KCNQ3: variants seen among roughly 807,000 people sequenced by gnomAD.
KCNQ3 encodes potassium voltage-gated channel subfamily KQT member 3.
In KCNQ3, 30 loss-of-function variants were observed where a neutral mutation model predicts 92.5. That is an observed-to-expected ratio of 0.32 (90% confidence interval 0.24 to 0.44). KCNQ3 has a LOEUF of 0.44. Among genes scored for constraint, KCNQ3 ranks in the 20% least tolerant of loss-of-function variants. The pLI is 1.00. For synonymous variants in KCNQ3, 450 were observed against 468.8 expected (o/e 0.96, Z 0.52); for missense variants, 913 against 1,140.3 (o/e 0.80, Z 2.87).
At chr8:132,319,601 G>A (rs1817842599) in intron 1 of KCNQ3, among the ~76,000 whole-genome samples, 1 of 152,182 alleles carries the variant, frequency 6.6e-6, no homozygotes, top group Non-Finnish European at 1.5e-5. Flanking sequence ...ACCCTCGTCC[G>A]ATGGCCCCGG....
At chr8:132,295,644 C>T (rs1816996236) in intron 1 of KCNQ3, among the ~76,000 whole-genome samples, 1 of 152,160 alleles carries the variant, frequency 6.6e-6, no homozygotes, top group Non-Finnish European at 1.5e-5. Context: ...AAATGCCCAG[C>T]AATGACAGAT....
At chr8:132,286,441 T>A (rs1816681943) in intron 1 of KCNQ3, among the ~76,000 whole-genome samples, 1 of 152,242 alleles carries the variant, frequency 6.6e-6, no homozygotes, top group Non-Finnish European at 1.5e-5. Flanking sequence ...CATTTCTTCC[T>A]CCCTATCTGT....
chr8:132,141,056 A>AGAGGTGAGGAAGGAAGTGGACTTGGGG, intron 10 of KCNQ3, 73 bp downstream of exon 10: 1 of 1,365,504 alleles, frequency 7.3e-7, no homozygotes. Context: ...GGGCAAAGGG[A>AGAGGTGAGGAAGGAAGTGGACTTGGGG]GAGGTGAGGA....
intron 6 of KCNQ3, among the ~76,000 whole-genome samples, chr8:132,173,868 C>T (rs188642228): frequency 6.6e-6 from 1 of 152,192 alleles, no homozygotes; most frequent in African/African-American, 2.4e-5. Flanking sequence ...ACTGGGAATG[C>T]ATGAATGAAA....
At chr8:132,159,774 C>A (rs187898453) in intron 9 of KCNQ3, among the ~76,000 whole-genome samples, 1 of 152,300 alleles carries the variant, frequency 6.6e-6, no homozygotes, top group Admixed American at 6.5e-5. Flanking sequence ...GTACACCTCC[C>A]TCAGTTTAAG....
rs1418632037 is a variant in KCNQ3, at chr8:132,184,258, T to C, written c.587A>G (p.Lys196Arg). Residue 196 changes from lysine to arginine, a missense_variant, in exon 3 of 15, where the codon AAG becomes AGG. Lys to Arg is a conservative substitution (Grantham distance 26). Around this residue, in one of 6 missense-constraint regions of KCNQ3, gnomAD observed 100 missense variants for 217.6 expected, o/e 0.46. Transcript: ENST00000388996. ...GWRGRLKFAR[K>R]PLCMLDIFVL... ...GGACTTACCCAACATGCACAGGGGC[T>C]TCCTGGCAAACTTCAGTCGGCCCCG... The C allele has an allele frequency of 6.2e-7, 1 of 1,614,172 alleles. No homozygotes were observed. The highest frequency in any genetic ancestry group is 1.6e-4 in the Middle Eastern group (1 of 6,062).
intron 1 of KCNQ3, among the ~76,000 whole-genome samples, chr8:132,389,486 C>G (rs1287777502): frequency 6.6e-6 from 1 of 152,128 alleles, no homozygotes; most frequent in Non-Finnish European, 1.5e-5. Flanking sequence ...ACAATAACAA[C>G]AAAAACATCA....
intron 1 of KCNQ3, among the ~76,000 whole-genome samples, chr8:132,341,821 T>C (rs1818535808): frequency 6.6e-6 from 1 of 152,204 alleles, no homozygotes; most frequent in African/African-American, 2.4e-5. Flanking sequence ...TAACTGCCTA[T>C]ACAAAACTCT....
At chr8:132,245,201 A>C (rs1815127307) in intron 1 of KCNQ3, among the ~76,000 whole-genome samples, 1 of 152,178 alleles carries the variant, frequency 6.6e-6, no homozygotes, top group Non-Finnish European at 1.5e-5. Context: ...AAATACTATC[A>C]TACTTGCACC....
At chr8:132,456,855 T>C (rs1231374421) in intron 1 of KCNQ3, among the ~76,000 whole-genome samples, 1 of 152,090 alleles carries the variant, frequency 6.6e-6, no homozygotes, top group Admixed American at 6.5e-5. Flanking sequence ...CTCAGTGATC[T>C]GCCCGCCTCA....
At chr8:132,442,603 C>T (rs1322795093) in intron 1 of KCNQ3, among the ~76,000 whole-genome samples, 2 of 152,128 alleles carry the variant, frequency 1.3e-5, no homozygotes, top group East Asian at 1.9e-4. Flanking sequence ...CTCTAGCTTC[C>T]AACAAGGTGG....
chr8:132,163,409 C>T (rs762532493), intron 9 of KCNQ3, 59 bp downstream of exon 9: 60 of 1,417,342 alleles, frequency 4.2e-5, no homozygotes, highest in Non-Finnish European at 5.3e-5. Context: ...CCATATGGAG[C>T]AGGATGCTCT....
chr8:132,454,409 G>T (rs957936257), intron 1 of KCNQ3, among the ~76,000 whole-genome samples: 1 of 152,122 alleles, frequency 6.6e-6, no homozygotes. Context: ...TTTCTACAAG[G>T]TGTGCTCTGT....
At chr8:132,424,119 AC>A (rs1480102220) in intron 1 of KCNQ3, among the ~76,000 whole-genome samples, 1 of 151,634 alleles carries the variant, frequency 6.6e-6, no homozygotes, top group Admixed American at 6.6e-5. Context: ...ATGGCAGCCC[AC>A]ACCCCTCCCC....
chr8:132,286,005 G>A lies in KCNQ3; in HGVS notation c.387-99824C>T, dbSNP rs1598827. Among the ~76,000 whole-genome samples the A allele has an allele frequency of 3.9e-3, 596 of 152,294 alleles. 6 individuals are homozygous for A. Among genetic ancestry groups the A allele is most frequent in the African/African-American group, 0.014 (577 of 41,566 alleles). On this transcript the variant is annotated intron_variant, in intron 1 of 14. Transcript: ENST00000388996. ...GTGCCCATGTGGTGCTAATTCTGCA[G>A]GTGTGCAGAATGTAAGAGTTATGGA...
intron 1 of KCNQ3, among the ~76,000 whole-genome samples, chr8:132,460,916 ACTACTGAT>A (rs1390926562): frequency 2.0e-5 from 3 of 152,116 alleles, no homozygotes; most frequent in Non-Finnish European, 4.4e-5. Flanking sequence ...GCCCCTGACA[ACTACTGAT>A]CTTTTTCCTG....
intron 1 of KCNQ3, among the ~76,000 whole-genome samples, chr8:132,210,515 C>T (rs907801224): frequency 2.0e-5 from 3 of 152,100 alleles, no homozygotes; most frequent in Admixed American, 1.3e-4. Context: ...TTACCCCGAA[C>T]ATGGCAGTTA....
intron 1 of KCNQ3, among the ~76,000 whole-genome samples, chr8:132,466,350 G>A (rs1163797462): frequency 6.6e-6 from 1 of 151,230 alleles, no homozygotes; most frequent in Non-Finnish European, 1.5e-5. Flanking sequence ...CTTTACTTAC[G>A]AACCAGAGGA....
Position 132,181,253 on chromosome 8 carries a change from G to A in KCNQ3, c.605-924C>T, listed in dbSNP as rs531215010. 3.9e-5 allele frequency among the ~76,000 whole-genome samples: 6 copies of A among 152,162 alleles called. No individual in the cohort carries two copies. In the East Asian group the frequency reaches 9.6e-4, roughly 24 times the overall value. The stretch of plus-strand genomic sequence containing the variant: ...GAACTGATCTGTTTTCTATTTCCTT[G>A]TAGTCAATTCCCATGTCAATTATCA... On this transcript the variant is annotated intron_variant, in intron 3 of 14. Coordinates refer to ENST00000388996, the MANE Select transcript of KCNQ3 (RefSeq NM_004519.4).
Sources: gnomAD v4.1 joint callset for allele counts (sites outside exome capture counted in the v4.1 genomes callset) on GRCh38, gnomAD v4.1.1 for gene constraint, gnomAD v4.1.1 regional missense constraint, MANE v1.5 for transcripts, NCBI Gene and HGNC (gene_info 2026-07-23, HGNC 2026-07-21) for gene names.